Variants in UGT1A10 observed in about 807,000 individuals in gnomAD.
The protein encoded by UGT1A10 is UDP glucuronosyltransferase family 1 member A10.
In UGT1A10, 49 loss-of-function variants were observed where a neutral mutation model predicts 45.8. The ratio of observed to expected loss-of-function variants is 1.07; its 90% CI spans 0.85 to 1.36. The LOEUF is 1.36. Ranked by LOEUF, UGT1A10 falls within the 40% of genes most tolerant of loss-of-function variation. The pLI, the probability that UGT1A10 is intolerant of heterozygous loss-of-function variation, is 0.00. For synonymous variants in UGT1A10, 284 were observed against 249.7 expected (o/e 1.14, Z -1.29); for missense variants, 745 against 668.6 (o/e 1.11, Z -1.26).
intron 1 of UGT1A10, chr2:233,693,473 G>A (rs887656290): frequency 6.2e-7 from 1 of 1,614,174 alleles, no homozygotes; most frequent in Non-Finnish European, 8.5e-7. Context: ...ACCCTGTGGG[G>A]TGATCCTGGC....
intron 1 of UGT1A10, among the ~76,000 whole-genome samples, chr2:233,721,034 G>C (rs539792830): frequency 4.0e-4 from 61 of 152,224 alleles, no homozygotes; most frequent in Non-Finnish European, 6.9e-4. Flanking sequence ...TCTTGTGAGA[G>C]AATTGAGCCC....
chr2:233,655,185 A>G (rs189165849), intron 1 of UGT1A10, among the ~76,000 whole-genome samples: 6 of 152,338 alleles, frequency 3.9e-5, no homozygotes, highest in Admixed American at 2.6e-4. Context: ...TAATGTGCTA[A>G]TTACATGGTC....
intron 1 of UGT1A10, chr2:233,690,539 A>C (rs1032041279): frequency 7.8e-7 from 1 of 1,289,414 alleles, no homozygotes; most frequent in Non-Finnish European, 1.0e-6. Context: ...CTTTCACCCC[A>C]CTGGAATATG....
chr2:233,740,135 G>C (rs1178370483), intron 1 of UGT1A10, among the ~76,000 whole-genome samples: 1 of 151,806 alleles, frequency 6.6e-6, no homozygotes, highest in African/African-American at 2.4e-5. Context: ...TGTCATGATT[G>C]TAAGTTTCCT....
chr2:233,727,261 C>T (rs1322887481), intron 1 of UGT1A10, among the ~76,000 whole-genome samples: 2 of 152,146 alleles, frequency 1.3e-5, no homozygotes, highest in African/African-American at 4.8e-5. Flanking sequence ...GCCCAGACCC[C>T]TCCTCATCTC....
At chr2:233,747,871 T>G (rs12466997) in intron 1 of UGT1A10, 2 of 1,613,304 alleles carry the variant, frequency 1.2e-6, no homozygotes, top group Non-Finnish European at 1.7e-6. Flanking sequence ...CCTCTGGCCC[T>G]GTCCTACCTT....
At chr2:233,739,139 T>G (rs539919985) in intron 1 of UGT1A10, 1 of 152,378 alleles carries the variant, frequency 6.6e-6, no homozygotes, top group African/African-American at 2.4e-5. Flanking sequence ...AATTTAGGTT[T>G]GGGAACCTCC....
In UGT1A10 at chr2:233,636,826, G is replaced by A. The variant is rs2073304201; in HGVS notation, c.304G>A (p.Ala102Thr). ...CGCCCATGCTCAATGGAAAGCACAG[G>A]CACAAAGTATATTTTCTCTATTAAT... ...VFAHAQWKAQAQSIFSLLMSS... is the reference protein window; with the variant it reads ...VFAHAQWKAQTQSIFSLLMSS... The change falls in exon 1 of 5, where the codon GCA becomes ACA. Residue 102 changes from alanine (A) to threonine (T), a missense_variant. By Grantham distance (58) the Ala-to-Thr change is moderately conservative. Coordinates refer to ENST00000344644, the MANE Select transcript of UGT1A10 (RefSeq NM_019075.4). 1.9e-6 allele frequency: 3 copies of A among 1,614,166 alleles called. No homozygotes were observed. Among genetic ancestry groups the A allele is most frequent in the Non-Finnish European group, 2.5e-6 (3 of 1,180,040 alleles).
chr2:233,675,678 T>C (rs2602381), intron 1 of UGT1A10, among the ~76,000 whole-genome samples: 74,805 of 152,012 alleles, frequency 0.49, 18,911 homozygotes, highest in South Asian at 0.57. Flanking sequence ...CTCAGTGTAA[T>C]GAGCACCCAC....
At chr2:233,662,385 A>G (rs1311413316) in intron 1 of UGT1A10, among the ~76,000 whole-genome samples, 5 of 152,176 alleles carry the variant, frequency 3.3e-5, no homozygotes, top group Non-Finnish European at 7.3e-5. Context: ...ATTTTCTAAT[A>G]TATTTATTGC....
chr2:233,766,910 T>C (rs960990875), intron 1 of UGT1A10, 124 bp from the exon 2 acceptor site: 6 of 1,519,286 alleles, frequency 3.9e-6, no homozygotes, highest in East Asian at 2.3e-5. Context: ...TTTTTTACTC[T>C]ATCTCAAACA....
chr2:233,662,819 T>G (rs2074002190), intron 1 of UGT1A10, among the ~76,000 whole-genome samples: 1 of 61,852 alleles, frequency 1.6e-5, no homozygotes, highest in Admixed American at 1.3e-4. Flanking sequence ...TGCTGAGAGT[T>G]TTTTTTTTTT....
intron 1 of UGT1A10, among the ~76,000 whole-genome samples, chr2:233,704,000 C>G (rs536799646): frequency 3.3e-5 from 5 of 152,024 alleles, no homozygotes; most frequent in Non-Finnish European, 5.9e-5. Flanking sequence ...AAGCAGTTCT[C>G]CCACCTCAGC....
At position 233,705,625 on chromosome 2, in the gene UGT1A10, A is replaced by G. The variant is rs2075861511; in HGVS notation, c.856-61409A>G. ...TCTGAAGAGAGAAGAAACTGAGTTG[A>G]CAGTTCTAGGAAGTTGAAGGTCTTC... On this transcript the variant is annotated intron_variant, in intron 1 of 4. Transcript: ENST00000344644. 1.3e-5 allele frequency among the ~76,000 whole-genome samples: 2 copies of G among 152,220 alleles called. 1 individual carries two copies. The highest frequency in any genetic ancestry group is 4.8e-5 in the African/African-American group (2 of 41,448).
chr2:233,663,812 C>T (rs1048723044), intron 1 of UGT1A10, among the ~76,000 whole-genome samples: 2 of 152,162 alleles, frequency 1.3e-5, no homozygotes, highest in African/African-American at 2.4e-5. Context: ...AGATCTTTTT[C>T]ACTGTCTCAG....
intron 1 of UGT1A10, among the ~76,000 whole-genome samples, chr2:233,673,889 A>G (rs1436542945): frequency 6.6e-6 from 1 of 152,198 alleles, no homozygotes; most frequent in Non-Finnish European, 1.5e-5. Flanking sequence ...TGATATTTAT[A>G]CCACTTATTT....
intron 1 of UGT1A10, among the ~76,000 whole-genome samples, chr2:233,749,386 A>T (rs1303750912): frequency 1.3e-5 from 2 of 151,906 alleles, no homozygotes; most frequent in African/African-American, 2.4e-5. Context: ...CAGTTTTTCA[A>T]TGTGAACATA....
intron 1 of UGT1A10, among the ~76,000 whole-genome samples, chr2:233,750,317 C>A (rs543565956): frequency 1.3e-5 from 2 of 151,994 alleles, no homozygotes; most frequent in South Asian, 4.1e-4. Flanking sequence ...ATCTGTGGAA[C>A]TTTGAACTTC....
chr2:233,744,541 T>G (rs1692842272), intron 1 of UGT1A10, among the ~76,000 whole-genome samples: 1 of 151,942 alleles, frequency 6.6e-6, no homozygotes, highest in African/African-American at 2.4e-5. Flanking sequence ...TATGTAAATT[T>G]TATTAAGACA....
Sources: allele counts gnomAD v4.1 joint callset (sites outside exome capture counted in the v4.1 genomes callset), GRCh38; gene constraint gnomAD v4.1.1; transcripts MANE v1.5; gene names NCBI Gene and HGNC (gene_info 2026-07-23, HGNC 2026-07-21).